The following BCL2 variants were observed in gnomAD, a reference collection of about 807,000 sequenced individuals.
BCL2 encodes the protein BCL2 apoptosis regulator, also known as apoptosis regulator Bcl-2.
BCL2 carries 1 observed loss-of-function variant against 14.2 expected under a neutral mutation model. The observed-to-expected ratio is 0.07, with a 90% CI of 0.02 to 0.33. The LOEUF is 0.33. BCL2 is among the 10% of genes least tolerant of loss of function. The probability of loss-of-function intolerance (pLI) is 0.99; values close to 1 mark genes in which losing one functional copy is unlikely to be tolerated. For missense variants in BCL2, 247 were observed against 305.9 expected (o/e 0.81, Z 1.44); for synonymous variants, 151 against 137.2 (o/e 1.10, Z -0.70).
intron 2 of BCL2, among the ~76,000 whole-genome samples, chr18:63,312,474 AAT>A (rs1913360494): frequency 6.6e-6 from 1 of 152,264 alleles, no homozygotes; most frequent in Non-Finnish European, 1.5e-5. Context: ...AATCTATAAA[AAT>A]ATGTTTTTAA....
At chr18:63,181,585 G>A (rs1915482799) in intron 2 of BCL2, among the ~76,000 whole-genome samples, 1 of 152,218 alleles carries the variant, frequency 6.6e-6, no homozygotes, top group African/African-American at 2.4e-5. Flanking sequence ...GCACAGCAGA[G>A]AGAACGAAGT....
intron 2 of BCL2, among the ~76,000 whole-genome samples, chr18:63,165,310 T>C (rs1418980963): frequency 6.6e-6 from 1 of 152,150 alleles, no homozygotes; most frequent in African/African-American, 2.4e-5. Flanking sequence ...TGAACCTCAT[T>C]GGGTGTGACT....
At chr18:63,150,184 G>A (rs1381834831) in intron 2 of BCL2, among the ~76,000 whole-genome samples, 5 of 152,226 alleles carry the variant, frequency 3.3e-5, no homozygotes. Flanking sequence ...CGCCCAGCCT[G>A]ACATGAGGCT....
At chr18:63,277,457 C>T (rs1912186873) in intron 2 of BCL2, among the ~76,000 whole-genome samples, 1 of 68,012 alleles carries the variant, frequency 1.5e-5, no homozygotes, top group Non-Finnish European at 3.4e-5. Context: ...GACCCTGTCT[C>T]TATATAAAAA....
At chr18:63,218,638 C>G (rs990387266) in intron 2 of BCL2, among the ~76,000 whole-genome samples, 14 of 136,718 alleles carry the variant, frequency 1.0e-4, no homozygotes, top group South Asian at 5.0e-4. Flanking sequence ...CCCATCCACT[C>G]ATCCCATCCT....
chr18:63,229,694 A>C (rs960572636), intron 2 of BCL2, among the ~76,000 whole-genome samples: 2 of 152,230 alleles, frequency 1.3e-5, no homozygotes, highest in African/African-American at 4.8e-5. Context: ...AGATTCTGGC[A>C]CCATGACTGT....
Position 63,318,404 on chromosome 18 carries a change from G to C in BCL2, c.263C>G (p.Pro88Arg), listed in dbSNP as rs781718615. The C allele has an allele frequency of 7.1e-6, 11 of 1,546,372 alleles. No individual in the cohort carries two copies. The highest frequency in any genetic ancestry group is 3.9e-5 in the Admixed American group (2 of 51,502). ...PGAAAGPALS[P>R]VPPVVHLTLR... Reference sequence around the variant, plus strand: ...GGTCAGGTGGACCACAGGTGGCACCGGGCTGAGCGCAGGCCCCGCGGCGGC... The same window carrying C: ...GGTCAGGTGGACCACAGGTGGCACCCGGCTGAGCGCAGGCCCCGCGGCGGC... Residue 88 changes from proline to arginine, a missense_variant, in exon 2 of 3, where the codon CCG (proline) becomes CGG (arginine). Pro to Arg is a moderately radical substitution (Grantham distance 103, BLOSUM62 -2). Coordinates refer to ENST00000333681, the MANE Select transcript of BCL2 (RefSeq NM_000633.3). This position sits in a 1 kb window ranked among gnomAD's most constrained non-coding sequence, Gnocchi z 7.4.
chr18:63,143,300 T>C (rs1285845513), intron 2 of BCL2, among the ~76,000 whole-genome samples: 1 of 152,180 alleles, frequency 6.6e-6, no homozygotes, highest in African/African-American at 2.4e-5. Context: ...GTGGAGGGGC[T>C]GAAATATCTT....
Position 63,318,202 on chromosome 18 carries a change from C to T in BCL2, c.465G>A (p.Gly155=). ...GGTTGACGCTCTCCACACACATGAC[C>T]CCACCGAACTCAAAGAAGGCCACAA... ...GRIVAFFEFG[G]VMCVESVNRE... is the part of the protein sequence containing the mutation. The change falls in exon 2 of 3, where the codon GGG becomes GGA. Residue 155 remains glycine, a synonymous_variant. Transcript: ENST00000333681. The surrounding 1 kb of genome is among the most constrained non-coding windows in gnomAD (Gnocchi z 7.4). The T allele has an allele frequency of 6.2e-7, 1 of 1,614,170 alleles. No homozygotes were observed.
chr18:63,178,864 A>G (rs1157062695), intron 2 of BCL2, among the ~76,000 whole-genome samples: 1 of 149,492 alleles, frequency 6.7e-6, no homozygotes. Context: ...TTTAAAGGGC[A>G]GGTTCCCAGG....
chr18:63,141,588 G>T (rs1487168122), intron 2 of BCL2, among the ~76,000 whole-genome samples: 1 of 152,194 alleles, frequency 6.6e-6, no homozygotes, highest in African/African-American at 2.4e-5. Context: ...CTTAAAGTAG[G>T]GAGCAGGTGG....
intron 2 of BCL2, among the ~76,000 whole-genome samples, chr18:63,185,866 C>T (rs1006464966): frequency 6.6e-6 from 1 of 152,216 alleles, no homozygotes; most frequent in African/African-American, 2.4e-5. Flanking sequence ...GTTTGGAATG[C>T]TAACCACTTT....
At chr18:63,267,951 G>T (rs1282772259) in intron 2 of BCL2, among the ~76,000 whole-genome samples, 1 of 151,732 alleles carries the variant, frequency 6.6e-6, no homozygotes, top group Non-Finnish European at 1.5e-5. Context: ...TTTACAAGAG[G>T]TTTCCTTACA....
At chr18:63,277,839 A>G (rs927251646) in intron 2 of BCL2, among the ~76,000 whole-genome samples, 2 of 152,136 alleles carry the variant, frequency 1.3e-5, no homozygotes, top group African/African-American at 2.4e-5. Context: ...AAAAATAACT[A>G]TATTTTCAGG....
At chr18:63,132,436 T>A (rs535501261) in intron 2 of BCL2, among the ~76,000 whole-genome samples, 2 of 152,326 alleles carry the variant, frequency 1.3e-5, no homozygotes, top group South Asian at 2.1e-4. Flanking sequence ...ATTTCCTCTC[T>A]TAGCTTTCTG....
chr18:63,148,174 G>T (rs1385148473), intron 2 of BCL2, among the ~76,000 whole-genome samples: 1 of 152,142 alleles, frequency 6.6e-6, no homozygotes, highest in Non-Finnish European at 1.5e-5. Context: ...CATGTATGAA[G>T]AACGAGGAAT....
intron 2 of BCL2, among the ~76,000 whole-genome samples, chr18:63,138,532 G>T (rs1599202530): frequency 2.0e-5 from 3 of 152,410 alleles, no homozygotes; most frequent in East Asian, 1.9e-4. Context: ...ACACACAGCT[G>T]CCTGGGCCGG....
intron 2 of BCL2, among the ~76,000 whole-genome samples, chr18:63,216,551 T>C (rs1910210321): frequency 6.6e-6 from 1 of 152,182 alleles, no homozygotes; most frequent in Non-Finnish European, 1.5e-5. Flanking sequence ...TACAGAGAAC[T>C]GTAATTGCTT....
chr18:63,285,234 T>G (rs1403016596), intron 2 of BCL2, among the ~76,000 whole-genome samples: 1 of 152,216 alleles, frequency 6.6e-6, no homozygotes, highest in Admixed American at 6.5e-5. Context: ...GCAGTTTGTG[T>G]GTACTCAGCT....
Sources: allele counts gnomAD v4.1 joint callset (sites outside exome capture counted in the v4.1 genomes callset), GRCh38; gene constraint gnomAD v4.1.1; non-coding constraint Gnocchi (gnomAD v3.1); transcripts MANE v1.5; gene names NCBI Gene and HGNC (gene_info 2026-07-23, HGNC 2026-07-21).